STK38L: variants seen among roughly 807,000 people sequenced by gnomAD.
STK38L encodes the protein serine/threonine kinase 38 like, also known as serine/threonine-protein kinase 38-like.
Under a neutral mutation model 59.7 loss-of-function variants are expected in STK38L, and 28 were observed. That is an observed-to-expected ratio of 0.47 (90% CI 0.35 to 0.64). The LOEUF (loss-of-function observed/expected upper bound fraction) is 0.64, where lower values mean the gene tolerates loss of function less well. Among genes scored for constraint, STK38L ranks in the 30% least tolerant of loss-of-function variants. The pLI is 0.01. For missense variants in STK38L, 314 were observed against 555.8 expected (o/e 0.56, Z 4.37); for synonymous variants, 162 against 176.8 (o/e 0.92, Z 0.66).
chr12:27,258,767 T>A (rs16931786), intron 1 of STK38L, among the ~76,000 whole-genome samples: 6,670 of 152,358 alleles, frequency 0.044, 524 homozygotes, highest in East Asian at 0.39. Context: ...TTGTTTTAGA[T>A]CTGACTCTGC....
Position 27,302,143 on chromosome 12 carries a change from G to A in STK38L, c.141G>A (p.Lys47=), listed in dbSNP as rs145124460. 4.5e-5 allele frequency: 72 copies of A among 1,603,972 alleles called. No homozygotes were observed. The African/African-American group carries it at 6.8e-4, about 15-fold the overall frequency. ...LQHEERETRQ[K]KLEVAMEEEG... Reference sequence around the variant, plus strand: ...TTTTTTTTCCTTTGAAAAGGCAGAAGAAATTAGAAGTGGCCATGGAAGAAG... The same window carrying A: ...TTTTTTTTCCTTTGAAAAGGCAGAAAAAATTAGAAGTGGCCATGGAAGAAG... The change falls in exon 3 of 14, where the codon AAG becomes AAA. Residue 47 remains lysine (K), a synonymous_variant. Coordinates refer to ENST00000389032, the MANE Select transcript of STK38L (RefSeq NM_015000.4).
intron 1 of STK38L, among the ~76,000 whole-genome samples, chr12:27,275,218 A>G (rs1447288427): frequency 6.6e-6 from 1 of 151,896 alleles, no homozygotes; most frequent in African/African-American, 2.4e-5. Context: ...AATTATTTAC[A>G]ATTCCTTGCT....
intron 1 of STK38L, among the ~76,000 whole-genome samples, chr12:27,286,065 T>G (rs1943764842): frequency 6.6e-6 from 1 of 152,154 alleles, no homozygotes; most frequent in Non-Finnish European, 1.5e-5. Flanking sequence ...TTCTTCAAAA[T>G]TTCCTTTATT....
chr12:27,266,365 G>A (rs1943301179), intron 1 of STK38L, among the ~76,000 whole-genome samples: 2 of 152,184 alleles, frequency 1.3e-5, no homozygotes, highest in African/African-American at 4.8e-5. Flanking sequence ...AAGTCTAGTG[G>A]AAAAACTTTT....
rs568117669 is a variant in STK38L at position 27,309,682 on chromosome 12, G to C, written c.393+485G>C. Among the ~76,000 whole-genome samples the C allele has an allele frequency of 1.7e-4, 26 of 152,184 alleles. No individual in the cohort carries two copies. In the Middle Eastern group the frequency reaches 0.041, roughly 239 times the overall value. On this transcript the variant is annotated intron_variant, in intron 5 of 13. Coordinates refer to ENST00000389032, the MANE Select transcript of STK38L (RefSeq NM_015000.4). ...ATTAACCTTAATTAATTCCCTAAGG[G>C]TCCATCTCCAAATACAGCCTCATTG...
chr12:27,309,297 C>A, intron 5 of STK38L, 100 bp downstream of exon 5: 1 of 655,502 alleles, frequency 1.5e-6, no homozygotes, highest in Non-Finnish European at 2.2e-6. Context: ...ACACATCTTA[C>A]TACATAAGCT....
intron 1 of STK38L, among the ~76,000 whole-genome samples, chr12:27,275,631 G>A (rs988307381): frequency 1.3e-5 from 2 of 152,118 alleles, no homozygotes; most frequent in African/African-American, 4.8e-5. Flanking sequence ...GAGCCACCAC[G>A]CCCGGACTGA....
At chr12:27,295,661 A>G (rs1231591504) in intron 1 of STK38L, among the ~76,000 whole-genome samples, 5 of 151,988 alleles carry the variant, frequency 3.3e-5, no homozygotes, top group Admixed American at 6.6e-5. Flanking sequence ...TTACATGGAG[A>G]TGTTCCTGGT....
chr12:27,263,741 G>A (rs1188084066), intron 1 of STK38L, among the ~76,000 whole-genome samples: 1 of 152,210 alleles, frequency 6.6e-6, no homozygotes. Flanking sequence ...ATCATTCTGA[G>A]TACTTTGGGG....
chr12:27,278,721 A>G (rs1284735032), intron 1 of STK38L, among the ~76,000 whole-genome samples: 4 of 152,162 alleles, frequency 2.6e-5, no homozygotes, highest in Admixed American at 6.5e-5. Context: ...CTTGGATGCA[A>G]TTTTTTAAAA....
chr12:27,260,732 A>G (rs1184540149), intron 1 of STK38L, among the ~76,000 whole-genome samples: 1 of 152,120 alleles, frequency 6.6e-6, no homozygotes, highest in Admixed American at 6.5e-5. Flanking sequence ...TTAAAATTGT[A>G]ATGCCTCTCC....
chr12:27,276,810 A>T (rs369258904), intron 1 of STK38L, among the ~76,000 whole-genome samples: 2 of 152,344 alleles, frequency 1.3e-5, no homozygotes, highest in East Asian at 1.9e-4. Context: ...TGTCTACTGC[A>T]TATCTTTACC....
rs1489154274 is a variant in STK38L, at chr12:27,324,444, G to T, written c.*1989G>T. ...ATAATTGCAACATTGTCTAGTTCTAGTATGGTAACTATTCTTGAAATGGTA... is the reference window on the plus strand; with the variant it reads ...ATAATTGCAACATTGTCTAGTTCTATTATGGTAACTATTCTTGAAATGGTA... On this transcript the variant is annotated 3_prime_UTR_variant, in exon 14 of 14. Coordinates refer to ENST00000389032, the MANE Select transcript of STK38L (RefSeq NM_015000.4). 1 of 151,942 alleles carries T rather than the reference G, an allele frequency of 6.6e-6. No homozygotes were observed. The highest frequency in any genetic ancestry group is 1.5e-5 in the Non-Finnish European group (1 of 67,928). 9.4% of individuals were successfully genotyped at this position (151,942 alleles called of 1,614,324 possible).
Position 27,268,516 on chromosome 12 carries a change from C to T in STK38L, c.-12+24184C>T, listed in dbSNP as rs534299280. Among the ~76,000 whole-genome samples the T allele has an allele frequency of 3.3e-4, 51 of 152,240 alleles. No homozygotes were observed. The South Asian group carries it at 9.9e-3, about 30-fold the overall frequency. Reference sequence around the variant, plus strand: ...GCCACATTTTCTTAATCCAGTCTATCGTTGTTGGACATTTGGCTTGGTTCC... The same window carrying T: ...GCCACATTTTCTTAATCCAGTCTATTGTTGTTGGACATTTGGCTTGGTTCC... On this transcript the variant is annotated intron_variant, in intron 1 of 13. Coordinates refer to ENST00000389032, the MANE Select transcript of STK38L (RefSeq NM_015000.4).
intron 3 of STK38L, among the ~76,000 whole-genome samples, chr12:27,305,487 C>A (rs899704798): frequency 3.3e-5 from 5 of 151,980 alleles, no homozygotes; most frequent in African/African-American, 1.2e-4. Context: ...TGGATTATAT[C>A]AAATTCTGTA....
intron 9 of STK38L, 85 bp downstream of exon 9, chr12:27,315,435 A>G: frequency 9.4e-7 from 1 of 1,059,808 alleles, no homozygotes; most frequent in Non-Finnish European, 1.4e-6. Context: ...TATCTTTATA[A>G]TAATTAGTAT....
At chr12:27,281,063 C>CTTTTTTT (rs1943643771) in intron 1 of STK38L, among the ~76,000 whole-genome samples, 1 of 14,262 alleles carries the variant, frequency 7.0e-5, no homozygotes, top group Admixed American at 8.5e-4. Context: ...TTGGCTTTAG[C>CTTTTTTT]TTTGTTTTTT....
intron 5 of STK38L, among the ~76,000 whole-genome samples, chr12:27,311,368 C>A (rs1386496931): frequency 1.3e-5 from 2 of 152,160 alleles, no homozygotes; most frequent in African/African-American, 4.8e-5. Context: ...AGGAGTAATT[C>A]CAAATATGAC....
chr12:27,269,207 T>C (rs1444980330), intron 1 of STK38L, among the ~76,000 whole-genome samples: 1 of 152,236 alleles, frequency 6.6e-6, no homozygotes, highest in Non-Finnish European at 1.5e-5. Context: ...GCCTATGTCC[T>C]GAATGGTATT....
Sources: gnomAD v4.1 joint callset for allele counts (sites outside exome capture counted in the v4.1 genomes callset) on GRCh38, gnomAD v4.1.1 for gene constraint, MANE v1.5 for transcripts, NCBI Gene and HGNC (gene_info 2026-07-23, HGNC 2026-07-21) for gene names.